Variants in KAT6B observed in about 807,000 individuals in gnomAD.
KAT6B encodes lysine acetyltransferase 6B.
Under a neutral mutation model 187.5 loss-of-function variants are expected in KAT6B, and 10 were observed. That is an observed-to-expected ratio of 0.05 (90% CI 0.03 to 0.09). The LOEUF (loss-of-function observed/expected upper bound fraction) is 0.09, where lower values mean the gene tolerates loss of function less well. Among genes scored for constraint, KAT6B ranks in the 10% least tolerant of loss-of-function variants. The probability of loss-of-function intolerance (pLI) is 1.00; values close to 1 mark genes in which losing one functional copy is unlikely to be tolerated. For missense variants in KAT6B, 1,952 were observed against 2,558.9 expected (o/e 0.76, Z 5.12); for synonymous variants, 861 against 926.8 (o/e 0.93, Z 1.29).
chr10:74,882,139 T>TA (rs1844899758), intron 3 of KAT6B, among the ~76,000 whole-genome samples: 1 of 152,336 alleles, frequency 6.6e-6, no homozygotes, highest in Admixed American at 6.5e-5. Context: ...TAACTTCACT[T>TA]AAGAGCTGAA....
intron 3 of KAT6B, among the ~76,000 whole-genome samples, chr10:74,943,837 G>A (rs1164214661): frequency 6.6e-6 from 1 of 152,166 alleles, no homozygotes; most frequent in African/African-American, 2.4e-5. Flanking sequence ...GTAGGAAAAT[G>A]GAAAGGCAAG....
intron 3 of KAT6B, among the ~76,000 whole-genome samples, chr10:74,873,414 A>G (rs1334164740): frequency 6.6e-6 from 1 of 152,070 alleles, no homozygotes; most frequent in Non-Finnish European, 1.5e-5. Flanking sequence ...GCAGTGAGCT[A>G]TGATCATGCC....
intron 2 of KAT6B, among the ~76,000 whole-genome samples, chr10:74,839,149 G>A (rs139094402): frequency 6.7e-6 from 1 of 148,716 alleles, no homozygotes; most frequent in South Asian, 2.1e-4. Context: ...GCAAGACTCT[G>A]TGCCCCCCAA....
At position 74,881,161 on chromosome 10, in the gene KAT6B, C is replaced by T. The variant is rs544289936; in HGVS notation, c.621+37683C>T. 3.1e-4 allele frequency among the ~76,000 whole-genome samples: 47 copies of T among 151,864 alleles called. No homozygotes were observed. In the East Asian group the frequency reaches 3.9e-3, roughly 13 times the overall value. Reference sequence around the variant, plus strand: ...CTGACCTCAGGGGATCCGCCTGCCTCGGCCTCCCAAAGTGCTGGGATTATA... The same window carrying T: ...CTGACCTCAGGGGATCCGCCTGCCTTGGCCTCCCAAAGTGCTGGGATTATA... On this transcript the variant is annotated intron_variant, in intron 3 of 17. Transcript: ENST00000287239.
chr10:74,989,395 G>A (rs144394641), intron 13 of KAT6B, among the ~76,000 whole-genome samples: 1 of 152,288 alleles, frequency 6.6e-6, no homozygotes, highest in Non-Finnish European at 1.5e-5. Context: ...CCATTTTGTG[G>A]TGCTCATGCT....
intron 13 of KAT6B, among the ~76,000 whole-genome samples, chr10:75,017,224 T>G (rs181031326): frequency 6.7e-6 from 1 of 149,810 alleles, no homozygotes; most frequent in Admixed American, 6.7e-5. Flanking sequence ...TTTTGGTAAG[T>G]TAAGAGCTGT....
intron 3 of KAT6B, among the ~76,000 whole-genome samples, chr10:74,895,062 G>GTT (rs56260562): frequency 4.3e-5 from 6 of 141,166 alleles, no homozygotes; most frequent in Non-Finnish European, 7.9e-5. Flanking sequence ...TCAACACTTG[G>GTT]TTTTTTTTTT....
intron 13 of KAT6B, among the ~76,000 whole-genome samples, 197 bp from the exon 14 acceptor site, chr10:75,020,385 A>G (rs1051288461): frequency 7.9e-5 from 12 of 152,210 alleles, no homozygotes; most frequent in Admixed American, 5.2e-4. Context: ...TTAGAGTGCC[A>G]CTGTCAAAGA....
At position 75,028,509 on chromosome 10, in the gene KAT6B, A is replaced by G. The variant is rs182978198; in HGVS notation, c.3685A>G (p.Ser1229Gly). ...PCRNNMNDDS[S>G]NLKEGSKDNP... The stretch of plus-strand genomic sequence containing the variant: ...CTAAGACAATATGAATGATGATTCA[A>G]GTAACTTGAAAGAAGGCAGTAAAGA... Residue 1229 changes from serine to glycine, a missense_variant, in exon 18 of 18, where the codon AGT (serine) becomes GGT (glycine). By Grantham distance (56) the Ser-to-Gly change is moderately conservative (BLOSUM62 0). Coordinates refer to ENST00000287239, the MANE Select transcript of KAT6B (RefSeq NM_012330.4). The G allele has an allele frequency of 1.2e-4, 188 of 1,614,214 alleles. 2 individuals are homozygous for G. In the East Asian group the frequency reaches 3.5e-3, roughly 30 times the overall value.
chr10:74,960,998 G>T lies in KAT6B; in HGVS notation c.730+920G>T, dbSNP rs78786092. Among the ~76,000 whole-genome samples the T allele has an allele frequency of 1.1e-3, 163 of 152,298 alleles. 3 individuals are homozygous for T. The East Asian group carries it at 0.026, about 25-fold the overall frequency. ...GTGTAATGATTCTTATTCCTTATAT[G>T]AAGGTTTAACGTGATAGGCCCTTTG... is the stretch of plus-strand genomic sequence containing the variant. On this transcript the variant is annotated intron_variant, in intron 4 of 17. Transcript: ENST00000287239.
intron 3 of KAT6B, among the ~76,000 whole-genome samples, chr10:74,859,494 A>G (rs910234988): frequency 6.6e-6 from 1 of 152,238 alleles, no homozygotes. Flanking sequence ...TGTATATTAT[A>G]TTCTTTTAGT....
At chr10:74,900,442 G>A (rs946013276) in intron 3 of KAT6B, among the ~76,000 whole-genome samples, 2 of 152,186 alleles carry the variant, frequency 1.3e-5, no homozygotes, top group Admixed American at 6.5e-5. Context: ...TAGGTTTTGC[G>A]TTTTGCTTGT....
chr10:74,925,921 G>A (rs960210083), intron 3 of KAT6B, among the ~76,000 whole-genome samples: 3 of 152,000 alleles, frequency 2.0e-5, no homozygotes, highest in Admixed American at 1.3e-4. Context: ...AGCTTGTGTC[G>A]CATGTGCGTA....
At chr10:74,880,827 G>C (rs1486679328) in intron 3 of KAT6B, among the ~76,000 whole-genome samples, 1 of 152,256 alleles carries the variant, frequency 6.6e-6, no homozygotes, top group Admixed American at 6.5e-5. Context: ...TGTTGGCCAG[G>C]CTGGTCTCGA....
intron 3 of KAT6B, among the ~76,000 whole-genome samples, chr10:74,879,396 C>A (rs930014081): frequency 1.3e-5 from 2 of 152,170 alleles, no homozygotes; most frequent in African/African-American, 4.8e-5. Context: ...CAGGTCATTT[C>A]TTGACATAGG....
chr10:75,029,783 A>G lies in KAT6B; in HGVS notation c.4959A>G (p.Pro1653=). ...AAACCAGTCCCATGATGGATGTCCCATCAGTTTCAGATCATTCACAGCAAG... is the reference window on the plus strand; with the variant it reads ...AAACCAGTCCCATGATGGATGTCCCGTCAGTTTCAGATCATTCACAGCAAG... ...NMETSPMMDV[P]SVSDHSQQVV... Residue 1653 remains proline, a synonymous_variant, in exon 18 of 18, where the codon CCA becomes CCG. Coordinates refer to ENST00000287239, the MANE Select transcript of KAT6B (RefSeq NM_012330.4). The surrounding 1 kb of genome is among the most constrained non-coding windows in gnomAD (Gnocchi z 6.2). 3 of 1,614,206 alleles carry G rather than the reference A, an allele frequency of 1.9e-6. No homozygotes were observed. Among genetic ancestry groups the G allele is most frequent in the Non-Finnish European group, 2.5e-6 (3 of 1,180,022 alleles).
chr10:74,920,910 C>T (rs1345079757), intron 3 of KAT6B, among the ~76,000 whole-genome samples: 2 of 152,012 alleles, frequency 1.3e-5, no homozygotes, highest in African/African-American at 4.8e-5. Context: ...TAAAATGGTG[C>T]CCAGGGAGCT....
At chr10:74,909,469 C>T (rs1847035324) in intron 3 of KAT6B, among the ~76,000 whole-genome samples, 1 of 152,224 alleles carries the variant, frequency 6.6e-6, no homozygotes, top group Non-Finnish European at 1.5e-5. Context: ...CCCTGTCCAG[C>T]TTATTATGGG....
At chr10:74,943,427 G>A (rs1849841587) in intron 3 of KAT6B, among the ~76,000 whole-genome samples, 1 of 152,162 alleles carries the variant, frequency 6.6e-6, no homozygotes, top group Non-Finnish European at 1.5e-5. Context: ...GCCCAGTAAA[G>A]ATCCCAAAAA....
Sources: gnomAD v4.1 joint callset for allele counts (sites outside exome capture counted in the v4.1 genomes callset) on GRCh38, gnomAD v4.1.1 for gene constraint, Gnocchi (gnomAD v3.1) non-coding constraint, MANE v1.5 for transcripts, NCBI Gene and HGNC (gene_info 2026-07-23, HGNC 2026-07-21) for gene names.